Variants in F13A1 observed in about 807,000 individuals in gnomAD.
The protein encoded by F13A1 is coagulation factor XIII A chain, also known as FSF, A subunit.
F13A1 carries 47 observed loss-of-function variants against 80.1 expected under a neutral mutation model. The observed-to-expected ratio is 0.59, with a 90% CI of 0.46 to 0.75. The LOEUF is 0.75. Among genes scored for constraint, F13A1 ranks in the 30% least tolerant of loss-of-function variants. F13A1 has a pLI of 0.00. For missense variants in F13A1, 817 were observed against 930.4 expected, an observed-to-expected ratio of 0.88 and a Z score of 1.59; for synonymous variants, 349 against 344.9, an observed-to-expected ratio of 1.01 and a Z score of -0.13.
chr6:6,305,703 C>G, intron 2 of F13A1, 164 bp from the exon 3 acceptor site: 2 of 663,124 alleles, frequency 3.0e-6, no homozygotes, highest in Non-Finnish European at 5.2e-6. Context: ...CGAGAGTCAG[C>G]CTCTTGTGAC....
At chr6:6,195,210 G>T (rs988958794) in intron 10 of F13A1, among the ~76,000 whole-genome samples, 10 of 152,218 alleles carry the variant, frequency 6.6e-5, no homozygotes, top group African/African-American at 2.4e-4. Flanking sequence ...CAGAGCCTTT[G>T]CCCAGGCATT....
chr6:6,229,223 AAGAG>A (rs768709065), intron 6 of F13A1, among the ~76,000 whole-genome samples: 86 of 152,298 alleles, frequency 5.6e-4, no homozygotes, highest in Non-Finnish European at 1.1e-3. Context: ...AAGAGACAGA[AAGAG>A]AGAGAGGGAG....
chr6:6,167,100 A>G (rs1257770975), intron 13 of F13A1, among the ~76,000 whole-genome samples: 1 of 152,188 alleles, frequency 6.6e-6, no homozygotes, highest in Non-Finnish European at 1.5e-5. Context: ...CTCTTATAGC[A>G]TGCCTGACCC....
At chr6:6,283,618 C>T (rs1208301321) in intron 3 of F13A1, among the ~76,000 whole-genome samples, 1 of 151,966 alleles carries the variant, frequency 6.6e-6, no homozygotes, top group Non-Finnish European at 1.5e-5. Flanking sequence ...TTTTAAACAA[C>T]AACAATACAT....
intron 12 of F13A1, chr6:6,169,284 C>T (rs1177313758): frequency 6.5e-6 from 1 of 152,720 alleles, no homozygotes; most frequent in Non-Finnish European, 1.5e-5. Context: ...CAGTCCAGGT[C>T]TTTGCTGTTC....
chr6:6,297,629 C>A (rs1263162338), intron 3 of F13A1, among the ~76,000 whole-genome samples: 1 of 148,238 alleles, frequency 6.7e-6, no homozygotes, highest in Non-Finnish European at 1.5e-5. Context: ...CTATTTGATT[C>A]TTCTCTCTTT....
Position 6,181,104 on chromosome 6 carries a change from T to A in F13A1, c.1459+884A>T, listed in dbSNP as rs1258928575. Among the ~76,000 whole-genome samples the A allele has an allele frequency of 3.9e-5, 6 of 152,252 alleles. No individual in the cohort carries two copies. In the East Asian group the frequency reaches 1.2e-3, roughly 29 times the overall value. On this transcript the variant is annotated intron_variant, in intron 11 of 14. Coordinates refer to ENST00000264870, the MANE Select transcript of F13A1 (RefSeq NM_000129.4). ...CACTGGGCATTCTGAGCCTGCAGGA[T>A]CCCCCTAAACATACCGGGCTGCTGC... is the stretch of plus-strand genomic sequence containing the variant.
chr6:6,182,652 G>C (rs1241034089), intron 10 of F13A1, among the ~76,000 whole-genome samples: 2 of 152,164 alleles, frequency 1.3e-5, no homozygotes, highest in Non-Finnish European at 2.9e-5. Context: ...CAGGTGAAGG[G>C]ATGCTTGAAG....
chr6:6,320,658 G>C lies in F13A1; in HGVS notation c.-90C>G. ...TGCGCCTCGGGGACTTCCTCAAACG[G>C]ACTCGGGAAAGACAAGACAGTTGGC... On this transcript the variant is annotated 5_prime_UTR_variant, in exon 1 of 15. Transcript: ENST00000264870. 1 of 470,280 alleles carries C rather than the reference G, an allele frequency of 2.1e-6. No individual in the cohort carries two copies. Among genetic ancestry groups the C allele is most frequent in the Non-Finnish European group, 4.4e-6 (1 of 226,582 alleles). The allele number at this position is 470,280 out of a possible 1,614,324, so 29.1% of individuals were successfully genotyped here.
rs748285860 is a variant in F13A1 at position 6,266,751 on chromosome 6, T to G, written c.378A>C (p.Leu126Phe). The G allele has an allele frequency of 6.2e-7, 1 of 1,614,204 alleles. No homozygotes were observed. The highest frequency in any genetic ancestry group is 1.1e-5 in the South Asian group (1 of 91,080). Residue 126 changes from leucine (L) to phenylalanine (F), a missense_variant, in exon 4 of 15, where the codon TTA becomes TTC. Transcript: ENST00000264870. The stretch of plus-strand genomic sequence containing the variant: ...TCTTGGCCCCCCACTTTCCACTTTG[T>G]AACTCTGAGACTATAGGCACTGGGA... Reference protein sequence around the residue: ...TYIPVPIVSELQSGKWGAKIV... With the variant: ...TYIPVPIVSEFQSGKWGAKIV...
At position 6,266,580 on chromosome 6, in the gene F13A1, A is replaced by C. The variant is rs1170344639; in HGVS notation, c.549T>G (p.Ile183Met). The C allele has an allele frequency of 6.2e-7, 1 of 1,614,086 alleles. No homozygotes were observed. The highest frequency in any genetic ancestry group is 8.5e-7 in the Non-Finnish European group (1 of 1,180,030). Residue 183 changes from isoleucine to methionine, a missense_variant, in exon 4 of 15, where the codon ATT (isoleucine) becomes ATG (methionine). Ile to Met is a conservative substitution (Grantham distance 10, BLOSUM62 1). Coordinates refer to ENST00000264870, the MANE Select transcript of F13A1 (RefSeq NM_000129.4). ...TSRNPETDTY[I>M]LFNPWCEDDA... ...TACCTTCACACCAAGGATTGAAGAG[A>C]ATGTACGTGTCTGTTTCTGGGTTTC... is the stretch of plus-strand genomic sequence containing the variant.
At chr6:6,164,898 T>G (rs1760639729) in intron 13 of F13A1, among the ~76,000 whole-genome samples, 1 of 150,650 alleles carries the variant, frequency 6.6e-6, no homozygotes, top group Admixed American at 6.6e-5. Context: ...TCCAGGAGGC[T>G]AGGCAGGTCC....
In F13A1 at chr6:6,297,362, G is replaced by C. The variant is rs200933270; in HGVS notation, c.319+7989C>G. On this transcript the variant is annotated intron_variant, in intron 3 of 14. Coordinates refer to ENST00000264870, the MANE Select transcript of F13A1 (RefSeq NM_000129.4). ...TGTACCTCTGGTAGAATTTGGCTGT[G>C]AATCCATCTGGTCCTGGACTCTTTT... 7.4e-4 allele frequency among the ~76,000 whole-genome samples: 112 copies of C among 151,530 alleles called. No homozygotes were observed. In the East Asian group the frequency reaches 0.012, roughly 16 times the overall value.
At chr6:6,289,533 C>G (rs1179593353) in intron 3 of F13A1, among the ~76,000 whole-genome samples, 3 of 152,064 alleles carry the variant, frequency 2.0e-5, no homozygotes, top group Non-Finnish European at 4.4e-5. Flanking sequence ...AAAAATCATA[C>G]AAACTCATGC....
chr6:6,199,407 G>A (rs62408023), intron 8 of F13A1, among the ~76,000 whole-genome samples: 5 of 151,840 alleles, frequency 3.3e-5, no homozygotes, highest in Middle Eastern at 3.2e-3. Flanking sequence ...GGAGAATGGC[G>A]TGAACCCGGG....
chr6:6,151,149 C>G (rs1176326180), intron 14 of F13A1, among the ~76,000 whole-genome samples: 1 of 152,138 alleles, frequency 6.6e-6, no homozygotes, highest in South Asian at 2.1e-4. Flanking sequence ...GAAACTGAGA[C>G]CTGTCAAGCA....
intron 6 of F13A1, among the ~76,000 whole-genome samples, chr6:6,240,606 C>T (rs117211044): frequency 6.6e-6 from 1 of 152,172 alleles, no homozygotes; most frequent in Admixed American, 6.5e-5. Context: ...TCTCCACCTG[C>T]ACTTTGGTTA....
At position 6,311,038 on chromosome 6, in the gene F13A1, CTT is replaced by C. The variant is rs71312605; in HGVS notation, c.131-5501_131-5500del. Among the ~76,000 whole-genome samples the C allele has an allele frequency of 7.1e-3, 1,064 of 149,256 alleles. 5 individuals carry two copies. Among genetic ancestry groups the C allele is most frequent in the African/African-American group, 8.9e-3 (363 of 40,974 alleles). On this transcript the variant is annotated intron_variant, in intron 2 of 14. Transcript: ENST00000264870. Reference sequence around the variant, plus strand: ...CTCTTGATTCGCAGGAAACATCTGTCTTTTTTTTTTTAAAAAAAAGTATCATT... The same window carrying C: ...CTCTTGATTCGCAGGAAACATCTGTCTTTTTTTTTAAAAAAAAGTATCATT...
chr6:6,219,870 G>A (rs749330027), intron 8 of F13A1, among the ~76,000 whole-genome samples: 3 of 152,168 alleles, frequency 2.0e-5, no homozygotes, highest in Non-Finnish European at 4.4e-5. Context: ...GAAACATATT[G>A]CCTCTAAGAA....
Sources: gnomAD v4.1 joint callset for allele counts (sites outside exome capture counted in the v4.1 genomes callset) on GRCh38, gnomAD v4.1.1 for gene constraint, MANE v1.5 for transcripts, NCBI Gene and HGNC (gene_info 2026-07-23, HGNC 2026-07-21) for gene names.